The following MTRFR variants were observed in gnomAD, a reference collection of about 807,000 sequenced individuals.
MTRFR encodes mitochondrial translation release factor in rescue.
Under a neutral mutation model 11.9 loss-of-function variants are expected in MTRFR, and 10 were observed. That is an observed-to-expected ratio of 0.84 (90% confidence interval 0.52 to 1.42). The LOEUF is 1.42. MTRFR is among the 40% of genes most tolerant of loss of function. The probability of loss-of-function intolerance (pLI) is 0.00; values close to 1 mark genes in which losing one functional copy is unlikely to be tolerated. For missense variants in MTRFR, 196 were observed against 197.9 expected, an observed-to-expected ratio of 0.99 and a Z score of 0.06; for synonymous variants, 77 against 79.1, an observed-to-expected ratio of 0.97 and a Z score of 0.14.
At chr12:123,239,692 G>C (rs1211244074) in intron 1 of MTRFR, among the ~76,000 whole-genome samples, 1 of 152,122 alleles carries the variant, frequency 6.6e-6, no homozygotes, top group Admixed American at 6.6e-5. Context: ...GTGAGCTACC[G>C]CGCCCAGCCC....
chr12:123,243,630 A>G (rs2138763263), intron 1 of MTRFR, among the ~76,000 whole-genome samples: 1 of 152,022 alleles, frequency 6.6e-6, no homozygotes, highest in South Asian at 2.1e-4. Context: ...ACTTGAACCC[A>G]GGAGGCGGAG....
At chr12:123,253,228 G>A (rs971487843) in intron 1 of MTRFR, among the ~76,000 whole-genome samples, 1 of 151,246 alleles carries the variant, frequency 6.6e-6, no homozygotes, top group African/African-American at 2.4e-5. Flanking sequence ...TTTTAGTAGA[G>A]ATAGTTTCAT....
At chr12:123,235,531 A>ATT (rs538804885) in intron 1 of MTRFR, among the ~76,000 whole-genome samples, 2 of 141,328 alleles carry the variant, frequency 1.4e-5, no homozygotes, top group Non-Finnish European at 3.1e-5. Context: ...GGCCCAGCTA[A>ATT]TTTTTTTTTT....
At chr12:123,250,616 T>A (rs1239349141) in intron 1 of MTRFR, 1 of 152,206 alleles carries the variant, frequency 6.6e-6, no homozygotes, top group East Asian at 1.9e-4. Context: ...TTGCAGTGAT[T>A]GTTGTCTCTC....
At chr12:123,238,621 AAAAAGAAAAGCTTTT>A (rs2047887180) in intron 1 of MTRFR, among the ~76,000 whole-genome samples, 2 of 152,178 alleles carry the variant, frequency 1.3e-5, no homozygotes, top group Non-Finnish European at 1.5e-5. Context: ...TTTAGAAAAG[AAAAAGAAAAGCTTTT>A]AAAAGTGTCT....
chr12:123,236,613 G>A (rs910246919), intron 1 of MTRFR, among the ~76,000 whole-genome samples: 1 of 151,586 alleles, frequency 6.6e-6, no homozygotes, highest in Non-Finnish European at 1.5e-5. Flanking sequence ...AAAAGAAGAA[G>A]AAACTGCTTT....
intron 1 of MTRFR, among the ~76,000 whole-genome samples, chr12:123,241,134 TG>T (rs2047928667): frequency 2.0e-5 from 3 of 150,628 alleles, no homozygotes; most frequent in South Asian, 4.3e-4. Context: ...GGCTTTTATT[TG>T]GGGTTGTTTT....
chr12:123,233,718 C>T (rs1459710235), intron 1 of MTRFR, 187 bp downstream of exon 1: 1 of 152,304 alleles, frequency 6.6e-6, no homozygotes, highest in Non-Finnish European at 1.5e-5. Flanking sequence ...GCTCAGTTTT[C>T]TCGGGACCTG....
Position 123,241,330 on chromosome 12 carries a change from TTTG to T in MTRFR, c.-29+7811_-29+7813del, listed in dbSNP as rs933228235. 9.2e-5 allele frequency among the ~76,000 whole-genome samples: 14 copies of T among 152,022 alleles called. No homozygotes were observed. In the East Asian group the frequency reaches 9.7e-4, roughly 11 times the overall value. On this transcript the variant is annotated intron_variant, in intron 1 of 2. Coordinates refer to ENST00000253233, the MANE Select transcript of MTRFR (RefSeq NM_152269.5). ...TATTGTATTTTTTATTTTACTGTTT[TTTG>T]TTGTTGTTGTTTTTTGAGACAGAGT...
At chr12:123,243,093 T>G (rs186247433) in intron 1 of MTRFR, among the ~76,000 whole-genome samples, 1 of 152,338 alleles carries the variant, frequency 6.6e-6, no homozygotes, top group African/African-American at 2.4e-5. Context: ...TTTATCTTTT[T>G]CTAAGGTATT....
upstream of MTRFR, chr12:123,233,239 C>T (rs1368668664): frequency 6.6e-6 from 1 of 152,368 alleles, no homozygotes; most frequent in Non-Finnish European, 1.5e-5. Flanking sequence ...CGTTCCCCCT[C>T]GCGCAGCTCC....
intron 1 of MTRFR, among the ~76,000 whole-genome samples, chr12:123,242,360 CTG>C (rs2047953305): frequency 6.6e-6 from 1 of 152,214 alleles, no homozygotes; most frequent in South Asian, 2.1e-4. Flanking sequence ...TAGCACTTCT[CTG>C]TACCATTTTT....
chr12:123,240,727 C>CTTTT (rs62837760), intron 1 of MTRFR: 5 of 102,104 alleles, frequency 4.9e-5, no homozygotes, highest in African/African-American at 1.8e-4. Flanking sequence ...TTTTATTGAC[C>CTTTT]TTTTTTTTTT....
intron 1 of MTRFR, among the ~76,000 whole-genome samples, chr12:123,247,698 C>A (rs2048061837): frequency 6.6e-6 from 1 of 152,156 alleles, no homozygotes; most frequent in Non-Finnish European, 1.5e-5. Context: ...GTAATCCCAG[C>A]ACTTTGGGAG....
At chr12:123,253,464 C>T in intron 1 of MTRFR, 183 bp from the exon 2 acceptor site, 1 of 597,456 alleles carries the variant, frequency 1.7e-6, no homozygotes, top group Non-Finnish European at 3.0e-6. Context: ...ACATGGCAGA[C>T]AGTGCAAGGC....
intron 1 of MTRFR, among the ~76,000 whole-genome samples, chr12:123,237,761 T>A (rs1010891945): frequency 6.6e-6 from 1 of 152,326 alleles, no homozygotes; most frequent in African/African-American, 2.4e-5. Context: ...CCAGCAATAC[T>A]CACTGGTTCC....
chr12:123,249,944 T>C (rs1391159375), intron 1 of MTRFR: 2 of 152,272 alleles, frequency 1.3e-5, no homozygotes, highest in Non-Finnish European at 2.9e-5. Flanking sequence ...CCGGGGAAGT[T>C]TTCCTCGATT....
intron 1 of MTRFR, among the ~76,000 whole-genome samples, chr12:123,247,315 T>C (rs868694335): frequency 3.3e-5 from 5 of 152,188 alleles, no homozygotes; most frequent in Non-Finnish European, 7.3e-5. Context: ...AGTAATTGTT[T>C]TATAAATTTG....
intron 2 of MTRFR, among the ~76,000 whole-genome samples, chr12:123,256,258 C>T (rs2048181217): frequency 6.6e-6 from 1 of 152,176 alleles, no homozygotes; most frequent in Non-Finnish European, 1.5e-5. Flanking sequence ...TCAGTTGATA[C>T]TTTCATAATT....
Sources: gnomAD v4.1 joint callset for allele counts (sites outside exome capture counted in the v4.1 genomes callset) on GRCh38, gnomAD v4.1.1 for gene constraint, MANE v1.5 for transcripts, NCBI Gene and HGNC (gene_info 2026-07-23, HGNC 2026-07-21) for gene names.